Variants in ZEB2 observed in about 807,000 individuals in gnomAD.
ZEB2 encodes the protein zinc finger E-box binding homeobox 2.
A neutral mutation model predicts 99.9 loss-of-function variants in ZEB2; 6 were observed. The ratio of observed to expected loss-of-function variants is 0.06; its 90% CI spans 0.03 to 0.12. The LOEUF is 0.12. Ranked by LOEUF, ZEB2 falls within the 10% of genes least tolerant of loss-of-function variation. The probability of loss-of-function intolerance (pLI) is 1.00; values close to 1 mark genes in which losing one functional copy is unlikely to be tolerated. For synonymous variants in ZEB2, 517 were observed against 542.5 expected (o/e 0.95, Z 0.65); for missense variants, 969 against 1,502.8 (o/e 0.64, Z 5.87).
intron 4 of ZEB2, among the ~76,000 whole-genome samples, chr2:144,414,626 A>G (rs1703511569): frequency 6.6e-6 from 1 of 152,216 alleles, no homozygotes; most frequent in Non-Finnish European, 1.5e-5. Flanking sequence ...CAGATGTTAC[A>G]ACTAAGGTAC....
At chr2:144,505,252 GC>G (rs1483222591) in intron 2 of ZEB2, among the ~76,000 whole-genome samples, 1 of 149,238 alleles carries the variant, frequency 6.7e-6, no homozygotes, top group Non-Finnish European at 1.5e-5. Context: ...ATTTTTTAAG[GC>G]AAAATTTTGT....
intron 2 of ZEB2, among the ~76,000 whole-genome samples, chr2:144,481,580 G>A (rs1704511920): frequency 6.6e-6 from 1 of 151,944 alleles, no homozygotes; most frequent in Admixed American, 6.6e-5. Context: ...AGTATACACA[G>A]CATCAAGGTA....
At position 144,517,479 on chromosome 2, in the gene ZEB2, G is replaced by A. The variant is rs1444075267; in HGVS notation, c.-69-60C>T. 4 of 1,186,016 alleles carry A rather than the reference G, an allele frequency of 3.4e-6. No homozygotes were observed. The South Asian group carries it at 5.0e-5, about 15-fold the overall frequency. 73.5% of individuals were successfully genotyped at this position (1,186,016 alleles called of 1,614,324 possible). A position where few individuals can be genotyped will look rare whatever the true frequency, so the allele number is the denominator to read the frequency against. On this transcript the variant is annotated intron_variant, in intron 1 of 9. Transcript: ENST00000627532. The stretch of plus-strand genomic sequence containing the variant: ...CCCGCGCCCATTGAAACGCGCGCGG[G>A]CCGCCCAGGGGAGCCGGGCCAGGGC...
chr2:144,390,236 T>C (rs892361801), intron 9 of ZEB2, among the ~76,000 whole-genome samples: 1 of 152,206 alleles, frequency 6.6e-6, no homozygotes, highest in Non-Finnish European at 1.5e-5. Context: ...GCAATGTAGT[T>C]AATAAACAAG....
intron 2 of ZEB2, among the ~76,000 whole-genome samples, chr2:144,494,023 GC>G (rs1704722931): frequency 6.6e-6 from 1 of 151,768 alleles, no homozygotes; most frequent in Non-Finnish European, 1.5e-5. Flanking sequence ...GTGGTTGCAG[GC>G]ACCTGTAGTC....
Position 144,386,694 on chromosome 2 carries a change from G to C in ZEB2, c.*2757C>G, listed in dbSNP as rs1410480164. 1 of 152,080 alleles carries C rather than the reference G, an allele frequency of 6.6e-6. No homozygotes were observed. The highest frequency in any genetic ancestry group is 1.5e-5 in the Non-Finnish European group (1 of 68,010). 9.4% of individuals were successfully genotyped at this position (152,080 alleles called of 1,614,324 possible). A position where few individuals can be genotyped will look rare whatever the true frequency, so the allele number is the denominator to read the frequency against. On this transcript the variant is annotated 3_prime_UTR_variant, in exon 10 of 10. Coordinates refer to ENST00000627532, the MANE Select transcript of ZEB2 (RefSeq NM_014795.4). Reference sequence around the variant, plus strand: ...CAGAGACCTACATTGCTTTAAAAGAGGCCACAGGGATTTATTCTACCCGGA... The same window carrying C: ...CAGAGACCTACATTGCTTTAAAAGACGCCACAGGGATTTATTCTACCCGGA...
At chr2:144,406,155 C>T (rs148024321) in intron 4 of ZEB2, among the ~76,000 whole-genome samples, 5 of 152,088 alleles carry the variant, frequency 3.3e-5, no homozygotes, top group African/African-American at 1.2e-4. Flanking sequence ...GATGCGCAAG[C>T]AAGCTAGGCA....
intron 4 of ZEB2, among the ~76,000 whole-genome samples, chr2:144,411,057 C>CTA (rs4008310): frequency 0.15 from 6,066 of 40,394 alleles, 526 homozygotes; most frequent in Non-Finnish European, 0.19. Flanking sequence ...ACAGACATGT[C>CTA]TATATATATA....
intron 2 of ZEB2, among the ~76,000 whole-genome samples, chr2:144,436,726 T>C (rs1703843259): frequency 6.6e-6 from 1 of 152,160 alleles, no homozygotes; most frequent in East Asian, 1.9e-4. Context: ...TAATAACATC[T>C]TAGATATGTA....
At chr2:144,446,388 C>T (rs1320989123) in intron 2 of ZEB2, among the ~76,000 whole-genome samples, 1 of 151,910 alleles carries the variant, frequency 6.6e-6, no homozygotes, top group Non-Finnish European at 1.5e-5. Flanking sequence ...TTCCTTCTTT[C>T]CTTCCTTCCC....
intron 2 of ZEB2, chr2:144,507,412 T>C (rs958694442): frequency 3.9e-5 from 6 of 152,356 alleles, no homozygotes; most frequent in African/African-American, 1.4e-4. Flanking sequence ...CGTATCGTCT[T>C]CTAGTTCTAA....
intron 4 of ZEB2, among the ~76,000 whole-genome samples, chr2:144,419,879 T>C (rs1340212873): frequency 6.6e-6 from 1 of 152,232 alleles, no homozygotes; most frequent in Non-Finnish European, 1.5e-5. Flanking sequence ...ATAGATCAAT[T>C]TTGCCATTCA....
At chr2:144,495,088 C>T (rs1163901592) in intron 2 of ZEB2, 2 of 152,162 alleles carry the variant, frequency 1.3e-5, no homozygotes, top group African/African-American at 4.8e-5. Flanking sequence ...TATGTTCGGT[C>T]CTTGAACTGC....
chr2:144,433,600 T>C (rs1367575892), intron 2 of ZEB2, among the ~76,000 whole-genome samples: 1 of 152,182 alleles, frequency 6.6e-6, no homozygotes, highest in Admixed American at 6.6e-5. Context: ...TGGAAAGATA[T>C]ATCTGCATAT....
At chr2:144,454,717 T>C (rs1237951749) in intron 2 of ZEB2, among the ~76,000 whole-genome samples, 1 of 152,210 alleles carries the variant, frequency 6.6e-6, no homozygotes, top group Non-Finnish European at 1.5e-5. Flanking sequence ...CCCACATGAC[T>C]GTCTCCACTT....
intron 2 of ZEB2, among the ~76,000 whole-genome samples, chr2:144,456,941 C>A (rs1704128772): frequency 6.6e-6 from 1 of 152,102 alleles, no homozygotes; most frequent in South Asian, 2.1e-4. Context: ...CCTGTCTTTT[C>A]TCAATCGTTC....
intron 4 of ZEB2, among the ~76,000 whole-genome samples, chr2:144,408,764 G>T (rs1347345562): frequency 1.3e-5 from 2 of 152,174 alleles, no homozygotes; most frequent in African/African-American, 4.8e-5. Flanking sequence ...GTGTTACCAT[G>T]TGATCCTGCT....
chr2:144,512,261 T>G, intron 2 of ZEB2: 1 of 1,287,222 alleles, frequency 7.8e-7, no homozygotes, highest in South Asian at 1.2e-5. Context: ...GGACAAAGAA[T>G]TTCCTTTCAC....
At chr2:144,397,299 T>C (rs1248392290) in intron 8 of ZEB2, among the ~76,000 whole-genome samples, 1 of 152,222 alleles carries the variant, frequency 6.6e-6, no homozygotes, top group Non-Finnish European at 1.5e-5. Flanking sequence ...TCTTAGACTA[T>C]GTTTGTACTA....
Sources: allele counts gnomAD v4.1 joint callset (sites outside exome capture counted in the v4.1 genomes callset), GRCh38; gene constraint gnomAD v4.1.1; transcripts MANE v1.5; gene names NCBI Gene and HGNC (gene_info 2026-07-23, HGNC 2026-07-21).